The following GRIP1 variants were observed in gnomAD, a reference collection of about 807,000 sequenced individuals.
GRIP1 encodes the protein glutamate receptor interacting protein 1.
GRIP1 carries 45 observed loss-of-function variants against 129.9 expected under a neutral mutation model. The observed-to-expected ratio is 0.35, with a 90% CI of 0.27 to 0.44. The LOEUF (loss-of-function observed/expected upper bound fraction) is 0.44. Ranked by LOEUF, GRIP1 falls within the 20% of genes least tolerant of loss-of-function variation. The pLI, the probability that GRIP1 is intolerant of heterozygous loss-of-function variation, is 1.00. For synonymous variants in GRIP1, 530 were observed against 520.8 expected (o/e 1.02, Z -0.24); for missense variants, 1,196 against 1,396.8 (o/e 0.86, Z 2.29).
chr12:66,828,003 C>A (rs1592883792), intron 1 of GRIP1, among the ~76,000 whole-genome samples: 1 of 152,174 alleles, frequency 6.6e-6, no homozygotes, highest in Non-Finnish European at 1.5e-5. Flanking sequence ...CAGCCTCCCA[C>A]AGGAAGGAGA....
At chr12:66,594,803 T>G (rs898230868) in intron 2 of GRIP1, among the ~76,000 whole-genome samples, 4 of 152,218 alleles carry the variant, frequency 2.6e-5, no homozygotes, top group African/African-American at 9.6e-5. Flanking sequence ...GACTTCTGGA[T>G]GTTGGGTTTC....
intron 1 of GRIP1, among the ~76,000 whole-genome samples, chr12:66,636,083 A>C (rs1371143646): frequency 6.6e-6 from 1 of 152,214 alleles, no homozygotes; most frequent in Non-Finnish European, 1.5e-5. Context: ...AGCCTTAAAA[A>C]AGGAAGAAAG....
At chr12:66,912,530 A>G (rs561818860) in intron 1 of GRIP1, among the ~76,000 whole-genome samples, 31 of 152,276 alleles carry the variant, frequency 2.0e-4, no homozygotes, top group African/African-American at 6.5e-4. Flanking sequence ...ATCTGATAGG[A>G]TAAAATACTT....
chr12:66,669,341 T>G (rs933609334), intron 1 of GRIP1, among the ~76,000 whole-genome samples: 5 of 152,106 alleles, frequency 3.3e-5, no homozygotes, highest in African/African-American at 1.2e-4. Context: ...TGAGCTGAGA[T>G]CGTGCCACTG....
intron 1 of GRIP1, among the ~76,000 whole-genome samples, chr12:66,961,320 C>T (rs1302387300): frequency 6.6e-6 from 1 of 151,738 alleles, no homozygotes; most frequent in Non-Finnish European, 1.5e-5. Flanking sequence ...ACAAACAGTG[C>T]TAGGGAAGTA....
chr12:66,461,878 G>A (rs1397959397), intron 9 of GRIP1, among the ~76,000 whole-genome samples: 2 of 152,118 alleles, frequency 1.3e-5, no homozygotes, highest in African/African-American at 4.8e-5. Context: ...CCTCCTTCAG[G>A]CCACCCTGAC....
At chr12:66,908,403 C>A (rs1226552992) in intron 1 of GRIP1, among the ~76,000 whole-genome samples, 2 of 152,138 alleles carry the variant, frequency 1.3e-5, no homozygotes, top group African/African-American at 4.8e-5. Flanking sequence ...GAAGGAGGCA[C>A]CCCTTTCTAC....
At chr12:66,497,625 T>G (rs2060270475) in intron 7 of GRIP1, among the ~76,000 whole-genome samples, 1 of 152,036 alleles carries the variant, frequency 6.6e-6, no homozygotes, top group Admixed American at 6.5e-5. Flanking sequence ...ATGGAAGTGA[T>G]GTGAAGAGCA....
intron 1 of GRIP1, among the ~76,000 whole-genome samples, chr12:66,886,685 T>C (rs536918777): frequency 3.5e-4 from 53 of 152,282 alleles, no homozygotes; most frequent in African/African-American, 1.3e-3. Flanking sequence ...GTGACAGTAC[T>C]AAGCAAAAAT....
At chr12:66,958,801 G>A (rs1034127007) in intron 1 of GRIP1, among the ~76,000 whole-genome samples, 3 of 152,074 alleles carry the variant, frequency 2.0e-5, no homozygotes, top group Non-Finnish European at 4.4e-5. Flanking sequence ...CTTGTAACTG[G>A]TTATTTCCTT....
At chr12:66,389,620 A>C (rs2056500787) in intron 19 of GRIP1, among the ~76,000 whole-genome samples, 1 of 152,168 alleles carries the variant, frequency 6.6e-6, no homozygotes, top group South Asian at 2.1e-4. Context: ...AAACACATTC[A>C]CAAGACTTTG....
chr12:66,535,632 C>A (rs772913567), intron 4 of GRIP1, among the ~76,000 whole-genome samples: 1 of 152,182 alleles, frequency 6.6e-6, no homozygotes, highest in Non-Finnish European at 1.5e-5. Flanking sequence ...CCTTTACACT[C>A]TATTTTATTG....
intron 1 of GRIP1, among the ~76,000 whole-genome samples, chr12:66,625,753 A>G (rs2029938254): frequency 1.3e-5 from 2 of 152,226 alleles, no homozygotes; most frequent in Non-Finnish European, 2.9e-5. Context: ...AGTCTAGCAA[A>G]TGTAAGGGGT....
chr12:66,637,471 A>G (rs2031507790), intron 1 of GRIP1, among the ~76,000 whole-genome samples: 1 of 152,064 alleles, frequency 6.6e-6, no homozygotes, highest in African/African-American at 2.4e-5. Context: ...AATTTAAATG[A>G]ATAAAAATAT....
At chr12:66,888,564 T>A (rs549232002) in intron 1 of GRIP1, among the ~76,000 whole-genome samples, 1 of 152,300 alleles carries the variant, frequency 6.6e-6, no homozygotes, top group South Asian at 2.1e-4. Context: ...TGTTTTGCCA[T>A]GTTGGCCAGG....
intron 16 of GRIP1, among the ~76,000 whole-genome samples, chr12:66,404,457 C>T (rs1266449776): frequency 2.0e-5 from 3 of 152,252 alleles, no homozygotes; most frequent in Middle Eastern, 3.4e-3. Flanking sequence ...TGTGGCTGTT[C>T]GTCTTCCACC....
intron 1 of GRIP1, among the ~76,000 whole-genome samples, chr12:66,754,724 T>C (rs2037233574): frequency 6.6e-6 from 1 of 152,108 alleles, no homozygotes; most frequent in African/African-American, 2.4e-5. Flanking sequence ...AAAATCAGCC[T>C]GAGGAAGTCC....
intron 2 of GRIP1, among the ~76,000 whole-genome samples, chr12:66,578,417 G>A (rs950267174): frequency 8.6e-5 from 13 of 152,016 alleles, no homozygotes; most frequent in African/African-American, 2.2e-4. Context: ...AGGTCAGTGG[G>A]TGCAGCGCAC....
chr12:67,011,848 T>C (rs570131134), intron 1 of GRIP1, among the ~76,000 whole-genome samples: 2 of 152,336 alleles, frequency 1.3e-5, no homozygotes, highest in South Asian at 4.1e-4. Context: ...TTTTAGGCTT[T>C]AAGCTCTCTG....
Sources: allele counts gnomAD v4.1 joint callset (sites outside exome capture counted in the v4.1 genomes callset), GRCh38; gene constraint gnomAD v4.1.1; transcripts MANE v1.5; gene names NCBI Gene and HGNC (gene_info 2026-07-23, HGNC 2026-07-21).